Variants in BCHE observed in about 807,000 individuals in gnomAD.
The protein encoded by BCHE is butyrylcholinesterase.
A neutral mutation model predicts 51.3 loss-of-function variants in BCHE; 48 were observed. That is an observed-to-expected ratio of 0.94 (90% CI 0.74 to 1.19). The LOEUF is 1.19. Among genes scored for constraint, BCHE ranks in the 50% most tolerant of loss-of-function variants. BCHE has a pLI of 0.00. For missense variants in BCHE, 847 were observed against 708.2 expected, an observed-to-expected ratio of 1.20 and a Z score of -2.23; for synonymous variants, 251 against 238.0, an observed-to-expected ratio of 1.05 and a Z score of -0.50.
intron 2 of BCHE, among the ~76,000 whole-genome samples, chr3:165,814,888 T>C (rs1714246023): frequency 6.6e-6 from 1 of 150,608 alleles, no homozygotes; most frequent in African/African-American, 2.4e-5. Context: ...ATATTTATAC[T>C]AATATATGTT....
At chr3:165,829,044 C>A (rs1293608061) in intron 2 of BCHE, among the ~76,000 whole-genome samples, 1 of 152,080 alleles carries the variant, frequency 6.6e-6, no homozygotes, top group African/African-American at 2.4e-5. Context: ...TGAGGGCCAA[C>A]TGCATCACCA....
chr3:165,832,746 C>G (rs769391126), intron 1 of BCHE, among the ~76,000 whole-genome samples: 2 of 152,102 alleles, frequency 1.3e-5, no homozygotes, highest in Non-Finnish European at 2.9e-5. Context: ...CCTACACAAC[C>G]AATAAACGAA....
chr3:165,831,517 A>G (rs1323794743), intron 1 of BCHE, among the ~76,000 whole-genome samples: 1 of 152,190 alleles, frequency 6.6e-6, no homozygotes, highest in Non-Finnish European at 1.5e-5. Context: ...AGAACTTTTA[A>G]GGATCAATAG....
Position 165,773,445 on chromosome 3 carries a change from C to A in BCHE, c.1746G>T (p.Met582Ile), listed in dbSNP as rs760910642. 1.9e-6 allele frequency: 3 copies of A among 1,609,580 alleles called. No homozygotes were observed. The highest frequency in any genetic ancestry group is 1.7e-6 in the Non-Finnish European group (2 of 1,176,464). ...KAGFHRWNNY[M>I]MDWKNQFNDY... ...CGTTAAATTGATTTTTCCAGTCCAT[C>A]ATGTAATTGTTCCAGCGATGGAATC... Residue 582 changes from methionine to isoleucine, a missense_variant, in exon 4 of 4, where the codon ATG (methionine) becomes ATT (isoleucine). Transcript: ENST00000264381.
chr3:165,811,146 A>T (rs533917507), intron 2 of BCHE, among the ~76,000 whole-genome samples: 31 of 152,278 alleles, frequency 2.0e-4, no homozygotes, highest in Non-Finnish European at 1.0e-4. Flanking sequence ...GAATATAAAC[A>T]CCCAAGAATC....
intron 3 of BCHE, among the ~76,000 whole-genome samples, chr3:165,779,197 G>A (rs1313697928): frequency 1.3e-5 from 2 of 152,102 alleles, no homozygotes; most frequent in Non-Finnish European, 2.9e-5. Context: ...TTCTGCAAGG[G>A]AAATGGCCTT....
intron 2 of BCHE, among the ~76,000 whole-genome samples, chr3:165,824,543 T>C (rs1425329194): frequency 6.6e-6 from 1 of 151,976 alleles, no homozygotes; most frequent in Admixed American, 6.6e-5. Flanking sequence ...TCCTAGAGAA[T>C]GCAATAACAA....
intron 2 of BCHE, among the ~76,000 whole-genome samples, chr3:165,799,969 T>C (rs925166573): frequency 1.3e-5 from 2 of 152,078 alleles, no homozygotes; most frequent in Non-Finnish European, 2.9e-5. Context: ...TTTCTACTAT[T>C]TGAAAGTGTT....
chr3:165,821,444 AAG>A (rs554173686), intron 2 of BCHE, among the ~76,000 whole-genome samples: 287 of 151,864 alleles, frequency 1.9e-3, no homozygotes, highest in African/African-American at 6.7e-3. Context: ...ATTAAAAAAA[AAG>A]AGAGAGAGAG....
chr3:165,810,396 C>T (rs1025369956), intron 2 of BCHE, among the ~76,000 whole-genome samples: 9 of 152,150 alleles, frequency 5.9e-5, no homozygotes, highest in East Asian at 1.9e-4. Flanking sequence ...AATGCAGATT[C>T]CCAGCACATC....
chr3:165,805,497 T>C (rs894608254), intron 2 of BCHE, among the ~76,000 whole-genome samples: 4 of 152,166 alleles, frequency 2.6e-5, no homozygotes, highest in African/African-American at 4.8e-5. Flanking sequence ...CTTTAAAACA[T>C]GTTTCTTAGT....
At chr3:165,783,129 A>G (rs1176986582) in intron 3 of BCHE, among the ~76,000 whole-genome samples, 2 of 152,076 alleles carry the variant, frequency 1.3e-5, no homozygotes, top group African/African-American at 4.8e-5. Context: ...AACATTCTTC[A>G]TGTATTTGAG....
At chr3:165,803,289 G>C (rs1027219718) in intron 2 of BCHE, among the ~76,000 whole-genome samples, 1 of 152,176 alleles carries the variant, frequency 6.6e-6, no homozygotes, top group Non-Finnish European at 1.5e-5. Flanking sequence ...TGGTGAAAGA[G>C]AGAAAGATGA....
chr3:165,819,923 A>T (rs571911319), intron 2 of BCHE, among the ~76,000 whole-genome samples: 1 of 152,144 alleles, frequency 6.6e-6, no homozygotes, highest in Non-Finnish European at 1.5e-5. Flanking sequence ...TATTACTTTG[A>T]TTTCTAAAAA....
At chr3:165,815,851 TC>T (rs1265943685) in intron 2 of BCHE, among the ~76,000 whole-genome samples, 1 of 152,072 alleles carries the variant, frequency 6.6e-6, no homozygotes, top group Non-Finnish European at 1.5e-5. Context: ...TGTTTTGTGG[TC>T]TAGGGTCAAT....
intron 2 of BCHE, among the ~76,000 whole-genome samples, chr3:165,798,890 A>G (rs898916834): frequency 2.6e-5 from 4 of 152,040 alleles, no homozygotes; most frequent in South Asian, 2.1e-4. Flanking sequence ...AAACAAACAA[A>G]TAATAAAAAA....
At chr3:165,803,119 A>T (rs1713731966) in intron 2 of BCHE, among the ~76,000 whole-genome samples, 1 of 152,226 alleles carries the variant, frequency 6.6e-6, no homozygotes, top group African/African-American at 2.4e-5. Context: ...AAGATTTAGG[A>T]GGTTGGGAAG....
intron 1 of BCHE, among the ~76,000 whole-genome samples, chr3:165,831,758 T>C (rs1366616729): frequency 1.3e-5 from 2 of 152,314 alleles, no homozygotes; most frequent in East Asian, 3.9e-4. Context: ...GAGCGAAGGC[T>C]GAGGATATAT....
At position 165,830,832 on chromosome 3, in the gene BCHE, T is replaced by G; in HGVS notation, c.202A>C (p.Arg68=). The part of the protein sequence containing the change: ...GIPYAQPPLG[R]LRFKKPQSLT... The stretch of plus-strand genomic sequence containing the variant: ...GACTGTGGCTTTTTGAATCGAAGTC[T>G]ACCAAGAGGTGGCTGTGCATAGGGA... The change falls in exon 2 of 4, where the codon AGA becomes CGA. Residue 68 remains arginine, a synonymous_variant. Coordinates refer to ENST00000264381, the MANE Select transcript of BCHE (RefSeq NM_000055.4). 6.2e-7 allele frequency: 1 copy of G among 1,613,940 alleles called. No individual in the cohort carries two copies. The highest frequency in any genetic ancestry group is 1.3e-5 in the African/African-American group (1 of 75,020).
Sources: gnomAD v4.1 joint callset for allele counts (sites outside exome capture counted in the v4.1 genomes callset) on GRCh38, gnomAD v4.1.1 for gene constraint, MANE v1.5 for transcripts, NCBI Gene and HGNC (gene_info 2026-07-23, HGNC 2026-07-21) for gene names.